The following VPS37C variants were observed in gnomAD, a reference collection of about 807,000 sequenced individuals.
The protein encoded by VPS37C is vacuolar protein sorting-associated protein 37C.
Under a neutral mutation model 16.1 loss-of-function variants are expected in VPS37C, and 9 were observed. The observed-to-expected ratio is 0.56, with a 90% CI of 0.34 to 0.97. The LOEUF (loss-of-function observed/expected upper bound fraction) is 0.97. Among genes scored for constraint, VPS37C ranks in the 50% least tolerant of loss-of-function variants. VPS37C has a pLI of 0.02. For missense variants in VPS37C, 479 were observed against 472.7 expected (o/e 1.01, Z -0.12); for synonymous variants, 207 against 206.4 (o/e 1.00, Z -0.02).
intron 1 of VPS37C, among the ~76,000 whole-genome samples, chr11:61,152,344 G>A (rs141447110): frequency 1.3e-5 from 2 of 152,144 alleles, no homozygotes; most frequent in African/African-American, 4.8e-5. Context: ...AACCAAGCCA[G>A]GGCCTTCTCA....
chr11:61,133,931 G>A, intron 3 of VPS37C, 105 bp downstream of exon 3: 3 of 1,377,312 alleles, frequency 2.2e-6, no homozygotes, highest in Non-Finnish European at 2.9e-6. Flanking sequence ...TTCTATGGCT[G>A]TTGTGAAAAA....
chr11:61,152,887 C>T (rs965825468), intron 1 of VPS37C, among the ~76,000 whole-genome samples: 1 of 152,228 alleles, frequency 6.6e-6, no homozygotes, highest in African/African-American at 2.4e-5. Flanking sequence ...CTGCTCCATC[C>T]CTCAAAAGCC....
chr11:61,143,117 C>T (rs1861502145), intron 1 of VPS37C, among the ~76,000 whole-genome samples: 1 of 151,576 alleles, frequency 6.6e-6, no homozygotes, highest in Non-Finnish European at 1.5e-5. Flanking sequence ...GCGTGCGGAA[C>T]ACAGTAAGTA....
At chr11:61,137,515 TTGGG>T (rs1861399179) in intron 2 of VPS37C, among the ~76,000 whole-genome samples, 2 of 152,224 alleles carry the variant, frequency 1.3e-5, no homozygotes. Context: ...GAAGCAGGCC[TTGGG>T]CTTCCCATGG....
intron 1 of VPS37C, among the ~76,000 whole-genome samples, chr11:61,148,927 G>C (rs950714660): frequency 1.4e-4 from 22 of 152,288 alleles, no homozygotes; most frequent in Non-Finnish European, 2.6e-4. Context: ...GGAATTGCTG[G>C]GGTTGGGGCT....
At chr11:61,133,461 C>T in intron 3 of VPS37C, 124 bp from the exon 4 acceptor site, 1 of 962,164 alleles carries the variant, frequency 1.0e-6, no homozygotes, top group South Asian at 1.6e-5. Context: ...CCAAAGGGTC[C>T]TTCTGGGTGG....
In VPS37C at chr11:61,132,077, C is replaced by T; in HGVS notation, c.811G>A (p.Gly271Ser). ...GCACCCATTGGGGTCCCAGGATAGC[C>T]CGGCCGGGGTGGCATGCTCCTCTGT... ...SPQRSMPPRP[G>S]YPGTPMGASG... The change falls in exon 5 of 5, where the codon GGC becomes AGC. Residue 271 changes from glycine to serine, a missense_variant. Transcript: ENST00000301765. 1 of 1,397,744 alleles carries T rather than the reference C, an allele frequency of 7.2e-7. No homozygotes were observed. Among genetic ancestry groups the T allele is most frequent in the Non-Finnish European group, 9.3e-7 (1 of 1,071,708 alleles). 86.6% of individuals were successfully genotyped at this position (1,397,744 alleles called of 1,614,324 possible).
intron 2 of VPS37C, among the ~76,000 whole-genome samples, chr11:61,135,363 C>T (rs1281422030): frequency 6.6e-6 from 1 of 152,230 alleles, no homozygotes; most frequent in Non-Finnish European, 1.5e-5. Context: ...AGCTTCCTGC[C>T]CTCCCTGAGC....
chr11:61,150,203 T>A (rs1853275771), intron 1 of VPS37C, among the ~76,000 whole-genome samples: 1 of 152,204 alleles, frequency 6.6e-6, no homozygotes, highest in Admixed American at 6.5e-5. Flanking sequence ...CTCAGACATG[T>A]GGGTCCCCCC....
In VPS37C at chr11:61,132,430, A is replaced by G. The variant is rs1269145374; in HGVS notation, c.458T>C (p.Leu153Pro). 20 of 1,611,630 alleles carry G rather than the reference A, an allele frequency of 1.2e-5. No homozygotes were observed. Among genetic ancestry groups the G allele is most frequent in the Non-Finnish European group, 1.7e-5 (20 of 1,179,034 alleles). Residue 153 changes from leucine to proline, a missense_variant, in exon 5 of 5, where the codon CTC becomes CCC. Transcript: ENST00000301765. The part of the protein sequence containing the change: ...SHLRRVRVEK[L>P]QEVVRKPRAS... ...CCTGGGCTTCCTCACCACTTCCTGG[A>G]GCTTTTCCACGCGAACCCGGCGCAG...
At position 61,130,807 on chromosome 11, in the gene VPS37C, A is replaced by G; in HGVS notation, c.*1013T>C. ...TGTTTTTTAAAAAGCACCATTTGGG[A>G]AGTAAAGTTAGGGCCTCTTTTGATG... On this transcript the variant is annotated 3_prime_UTR_variant, in exon 5 of 5. Coordinates refer to ENST00000301765, the MANE Select transcript of VPS37C (RefSeq NM_017966.5). 2.3e-6 allele frequency: 1 copy of G among 440,204 alleles called. No homozygotes were observed. Among genetic ancestry groups the G allele is most frequent in the Non-Finnish European group, 4.5e-6 (1 of 221,306 alleles). 27.3% of individuals were successfully genotyped at this position (440,204 alleles called of 1,614,324 possible). A position where few individuals can be genotyped will look rare whatever the true frequency, so the allele number is the denominator to read the frequency against.
intron 1 of VPS37C, among the ~76,000 whole-genome samples, chr11:61,160,293 C>T (rs1853450686): frequency 1.3e-5 from 2 of 152,150 alleles, no homozygotes; most frequent in African/African-American, 4.8e-5. Flanking sequence ...TTGCAACAGT[C>T]CCCGATCCCA....
At chr11:61,146,109 G>A (rs1853203445) in intron 1 of VPS37C, among the ~76,000 whole-genome samples, 1 of 152,250 alleles carries the variant, frequency 6.6e-6, no homozygotes, top group Non-Finnish European at 1.5e-5. Flanking sequence ...GATGGAGACA[G>A]GAAGGAGAGA....
In VPS37C at chr11:61,130,739, A is replaced by C. The variant is rs1861238098; in HGVS notation, c.*1081T>G. ...CATAATCCCCACCCTTTACATTCTG[A>C]AGACAGGGAGGTGTGAAAAAATTGC... On this transcript the variant is annotated 3_prime_UTR_variant, in exon 5 of 5. Transcript: ENST00000301765. 2 of 419,776 alleles carry C rather than the reference A, an allele frequency of 4.8e-6. No homozygotes were observed. The highest frequency in any genetic ancestry group is 9.3e-6 in the Non-Finnish European group (2 of 215,368). The allele number at this position is 419,776 out of a possible 1,614,324, so 26.0% of individuals were successfully genotyped here.
chr11:61,135,909 G>A (rs757040070), intron 2 of VPS37C, among the ~76,000 whole-genome samples: 3 of 152,096 alleles, frequency 2.0e-5, no homozygotes, highest in African/African-American at 4.8e-5. Flanking sequence ...CCTAAATCTT[G>A]CCCTACTTAT....
At position 61,130,695 on chromosome 11, in the gene VPS37C, G is replaced by A; in HGVS notation, c.*1125C>T. The A allele has an allele frequency of 2.6e-6, 1 of 381,088 alleles. No homozygotes were observed. Among genetic ancestry groups the A allele is most frequent in the South Asian group, 1.9e-5 (1 of 51,886 alleles). 23.6% of individuals were successfully genotyped at this position (381,088 alleles called of 1,614,324 possible). ...TGCCCCAAACCCCACAGTGCAGGGG[G>A]CTGCATATTAAACAGAGACATAATC... On this transcript the variant is annotated 3_prime_UTR_variant, in exon 5 of 5. Transcript: ENST00000301765.
At chr11:61,135,111 A>G (rs1861343432) in intron 2 of VPS37C, among the ~76,000 whole-genome samples, 1 of 152,212 alleles carries the variant, frequency 6.6e-6, no homozygotes, top group Non-Finnish European at 1.5e-5. Context: ...GACTGACTCT[A>G]AGTCAGGCCC....
At chr11:61,134,302 C>T in intron 2 of VPS37C, 95 bp from the exon 3 acceptor site, 2 of 1,404,586 alleles carry the variant, frequency 1.4e-6, no homozygotes, top group South Asian at 1.3e-5. Context: ...CATTGCTCAC[C>T]TTGGGGCGGA....
At chr11:61,144,009 C>T (rs534260761) in intron 1 of VPS37C, 1 of 142,226 alleles carries the variant, frequency 7.0e-6, no homozygotes, top group Non-Finnish European at 1.5e-5. Context: ...GGCTCTGTCG[C>T]CCAGGCTGGG....
Sources: allele counts gnomAD v4.1 joint callset (sites outside exome capture counted in the v4.1 genomes callset), GRCh38; gene constraint gnomAD v4.1.1; transcripts MANE v1.5; gene names NCBI Gene and HGNC (gene_info 2026-07-23, HGNC 2026-07-21).